The following USP15 variants were observed in gnomAD, a reference collection of about 807,000 sequenced individuals.
The protein encoded by USP15 is ubiquitin carboxyl-terminal hydrolase 15.
A neutral mutation model predicts 127.1 loss-of-function variants in USP15; 18 were observed. The observed-to-expected ratio is 0.14, with a 90% CI of 0.10 to 0.21. The LOEUF is 0.21. Among genes scored for constraint, USP15 ranks in the 10% least tolerant of loss-of-function variants. USP15 has a pLI of 1.00. For synonymous variants in USP15, 364 were observed against 393.7 expected, an observed-to-expected ratio of 0.92 and a Z score of 0.89; for missense variants, 805 against 1,159.9, an observed-to-expected ratio of 0.69 and a Z score of 4.44.
chr12:62,366,901 G>T (rs570162565), intron 8 of USP15, among the ~76,000 whole-genome samples: 1 of 152,134 alleles, frequency 6.6e-6, no homozygotes, highest in East Asian at 1.9e-4. Flanking sequence ...GGATGAAGCC[G>T]ACTTAATCAT....
intron 3 of USP15, among the ~76,000 whole-genome samples, chr12:62,305,189 A>G (rs2064445565): frequency 6.6e-6 from 1 of 152,150 alleles, no homozygotes; most frequent in South Asian, 2.1e-4. Flanking sequence ...AAACTGAGAA[A>G]GGTGTCATGC....
In USP15 at chr12:62,404,409, C is replaced by T; in HGVS notation, c.*34C>T. Reference sequence around the variant, plus strand: ...CTAGAAGCCATAAAAGAGACACTTTCCTGCTGGTGGTATCTATGGAAATGA... The same window carrying T: ...CTAGAAGCCATAAAAGAGACACTTTTCTGCTGGTGGTATCTATGGAAATGA... On this transcript the variant is annotated 3_prime_UTR_variant, in exon 22 of 22. Transcript: ENST00000280377. 1 of 1,526,762 alleles carries T rather than the reference C, an allele frequency of 6.5e-7. No homozygotes were observed. 94.6% of individuals were successfully genotyped at this position (1,526,762 alleles called of 1,614,324 possible). A position where few individuals can be genotyped will look rare whatever the true frequency, so the allele number is the denominator to read the frequency against.
intron 1 of USP15, among the ~76,000 whole-genome samples, chr12:62,265,331 C>G (rs1395355412): frequency 1.3e-5 from 2 of 152,180 alleles, no homozygotes; most frequent in Admixed American, 6.5e-5. Flanking sequence ...TTTAAAAACA[C>G]TATGTGCCAG....
At chr12:62,322,483 T>G (rs1240387029) in intron 5 of USP15, among the ~76,000 whole-genome samples, 1 of 148,974 alleles carries the variant, frequency 6.7e-6, no homozygotes, top group Admixed American at 6.6e-5. Flanking sequence ...TTAGTCACTG[T>G]CAGCAAGTCC....
intron 2 of USP15, among the ~76,000 whole-genome samples, chr12:62,298,947 A>G (rs143700486): frequency 6.6e-6 from 1 of 152,034 alleles, no homozygotes; most frequent in African/African-American, 2.4e-5. Context: ...CAACACTGTT[A>G]ATCAACTTGA....
Position 62,407,886 on chromosome 12 carries a change from T to C in USP15, c.*3511T>C, listed in dbSNP as rs1435394374. 6.6e-6 allele frequency: 1 copy of C among 152,158 alleles called. No individual in the cohort carries two copies. Among genetic ancestry groups the C allele is most frequent in the Admixed American group, 6.6e-5 (1 of 15,264 alleles). The allele number at this position is 152,158 out of a possible 1,614,324, so 9.4% of individuals were successfully genotyped here. A position where few individuals can be genotyped will look rare whatever the true frequency, so the allele number is the denominator to read the frequency against. ...CCTTATAATTTAGTTTTAATTAACC[T>C]CCTTGAAAAAGTTGCAGCCTGGTGC... On this transcript the variant is annotated 3_prime_UTR_variant, in exon 22 of 22. Transcript: ENST00000280377.
intron 18 of USP15, 66 bp from the exon 19 acceptor site, chr12:62,392,987 A>T: frequency 6.4e-7 from 1 of 1,554,514 alleles, no homozygotes; most frequent in Admixed American, 2.0e-5. Context: ...ATTTTTGTTT[A>T]TTATTTTCAT....
chr12:62,337,023 CT>C (rs1265797375), intron 6 of USP15, among the ~76,000 whole-genome samples: 2 of 152,162 alleles, frequency 1.3e-5, no homozygotes, highest in Non-Finnish European at 2.9e-5. Flanking sequence ...TTATGCAGAT[CT>C]TCCAAATGTT....
rs1198252321 is a variant in USP15 at position 62,412,064 on chromosome 12, G to A, written c.*7689G>A. 1 of 152,068 alleles carries A rather than the reference G, an allele frequency of 6.6e-6. No individual in the cohort carries two copies. The highest frequency in any genetic ancestry group is 1.5e-5 in the Non-Finnish European group (1 of 68,044). The allele number at this position is 152,068 out of a possible 1,614,324, so 9.4% of individuals were successfully genotyped here. On this transcript the variant is annotated 3_prime_UTR_variant, in exon 22 of 22. Coordinates refer to ENST00000280377, the MANE Select transcript of USP15 (RefSeq NM_001252078.2). ...TACAGGCATGCCTCAGATATTGCAG[G>A]TTCGGTTCCCAGCCACCATAAATAT...
chr12:62,325,824 A>G, intron 5 of USP15, 48 bp from the exon 6 acceptor site: 2 of 1,485,624 alleles, frequency 1.3e-6, no homozygotes, highest in Non-Finnish European at 1.8e-6. Context: ...AAGTTATTTT[A>G]ACTTCAGAGT....
intron 7 of USP15, chr12:62,354,870 T>G (rs1377460092): frequency 6.6e-6 from 1 of 152,096 alleles, no homozygotes; most frequent in African/African-American, 2.4e-5. Flanking sequence ...CACAGTGGCC[T>G]TGGAAATCTC....
chr12:62,300,326 A>C (rs894852122), intron 2 of USP15, among the ~76,000 whole-genome samples: 3 of 152,082 alleles, frequency 2.0e-5, no homozygotes, highest in African/African-American at 7.2e-5. Context: ...AGTTTTGTAT[A>C]TGGTGTGCAG....
chr12:62,300,165 C>CT (rs144508875), intron 2 of USP15, among the ~76,000 whole-genome samples: 23 of 151,830 alleles, frequency 1.5e-4, no homozygotes, highest in African/African-American at 4.8e-4. Flanking sequence ...TCCAATTTGC[C>CT]TTTTTTTTCT....
chr12:62,381,402 T>A, intron 8 of USP15, 88 bp from the exon 9 acceptor site: 1 of 1,166,470 alleles, frequency 8.6e-7, no homozygotes, highest in Non-Finnish European at 1.2e-6. Context: ...TTATAGCAAA[T>A]CAATTTGTTT....
chr12:62,352,511 G>A (rs73136852), intron 7 of USP15, among the ~76,000 whole-genome samples: 1 of 151,758 alleles, frequency 6.6e-6, no homozygotes, highest in African/African-American at 2.4e-5. Context: ...TATTTTTAAC[G>A]TGTTTATTGT....
chr12:62,272,941 T>G (rs1490597681), intron 1 of USP15, among the ~76,000 whole-genome samples: 1 of 152,068 alleles, frequency 6.6e-6, no homozygotes, highest in Non-Finnish European at 1.5e-5. Context: ...GAAATGTAAA[T>G]CAAATCATAT....
chr12:62,349,823 T>A (rs2065916219), intron 7 of USP15, among the ~76,000 whole-genome samples: 1 of 152,046 alleles, frequency 6.6e-6, no homozygotes, highest in Non-Finnish European at 1.5e-5. Context: ...GTGTGTGTTA[T>A]ATTGCTATAA....
intron 21 of USP15, among the ~76,000 whole-genome samples, chr12:62,402,245 T>G (rs1025465852): frequency 4.0e-5 from 6 of 151,742 alleles, no homozygotes; most frequent in Non-Finnish European, 7.4e-5. Flanking sequence ...ATATGATATA[T>G]ATAGAGAGAG....
Position 62,404,301 on chromosome 12 carries a change from C to CCATTAGAAAGTG in USP15, c.2873_2884dup (p.Ser961_Asp962insAlaLeuGluSer), listed in dbSNP as rs1319672163. On this transcript the variant is annotated inframe_insertion, in exon 22 of 22. Coordinates refer to ENST00000280377, the MANE Select transcript of USP15 (RefSeq NM_001252078.2). The stretch of plus-strand genomic sequence containing the variant: ...AGGTGCTTCAGCTGCCACTGGCATC[C>CCATTAGAAAGTG]CATTAGAAAGTGATGAAGATAGCAA... 6.2e-7 allele frequency: 1 copy of CCATTAGAAAGTG among 1,612,906 alleles called. No individual in the cohort carries two copies. Among genetic ancestry groups the CCATTAGAAAGTG allele is most frequent in the Non-Finnish European group, 8.5e-7 (1 of 1,179,306 alleles).
Sources: gnomAD v4.1 joint callset for allele counts (sites outside exome capture counted in the v4.1 genomes callset) on GRCh38, gnomAD v4.1.1 for gene constraint, MANE v1.5 for transcripts, NCBI Gene and HGNC (gene_info 2026-07-23, HGNC 2026-07-21) for gene names.